Variants in MED12L observed in about 807,000 individuals in gnomAD.
MED12L encodes mediator complex subunit 12L, also known as mediator of RNA polymerase II transcription subunit 12-like protein.
Under a neutral mutation model 281.3 loss-of-function variants are expected in MED12L, and 60 were observed. That is an observed-to-expected ratio of 0.21 (90% CI 0.17 to 0.26). The LOEUF (loss-of-function observed/expected upper bound fraction) is 0.26, where lower values mean the gene tolerates loss of function less well. MED12L is among the 10% of genes least tolerant of loss of function. The pLI, the probability that MED12L is intolerant of heterozygous loss-of-function variation, is 1.00. For missense variants in MED12L, 2,146 were observed against 2,680.9 expected, an observed-to-expected ratio of 0.80 and a Z score of 4.41; for synonymous variants, 974 against 987.2, an observed-to-expected ratio of 0.99 and a Z score of 0.25.
chr3:151,204,069 G>C (rs1726026961), intron 16 of MED12L, among the ~76,000 whole-genome samples: 1 of 152,126 alleles, frequency 6.6e-6, no homozygotes, highest in Non-Finnish European at 1.5e-5. Flanking sequence ...AGCATGCTGG[G>C]GGACCTAACA....
Position 151,348,081 on chromosome 3 carries a change from A to T in MED12L, c.2251-1978A>T, listed in dbSNP as rs562640870. On this transcript the variant is annotated intron_variant, in intron 16 of 44. Coordinates refer to ENST00000687756, the MANE Select transcript of MED12L (RefSeq NM_001393769.1). The stretch of plus-strand genomic sequence containing the variant: ...GACATTGAATCTGTGCTCCTTGAAG[A>T]CAGGAATCATTCATCCTTGTATTTT... Among the ~76,000 whole-genome samples, 3 of 152,292 alleles carry T rather than the reference A, an allele frequency of 2.0e-5. No homozygotes were observed. The South Asian group carries it at 6.2e-4, about 32-fold the overall frequency.
At position 151,193,680 on chromosome 3, in the gene MED12L, T is replaced by G; in HGVS notation, c.2250+14T>G. Reference sequence around the variant, plus strand: ...CCTATACCTCTGGTAAGTCATTGCTTCAGTTAATCTATACCCTGATTATTT... The same window carrying G: ...CCTATACCTCTGGTAAGTCATTGCTGCAGTTAATCTATACCCTGATTATTT... On this transcript the variant is annotated intron_variant, in intron 16 of 44. Coordinates refer to ENST00000687756, the MANE Select transcript of MED12L (RefSeq NM_001393769.1). 2 of 1,595,692 alleles carry G rather than the reference T, an allele frequency of 1.3e-6. No homozygotes were observed. The highest frequency in any genetic ancestry group is 1.7e-6 in the Non-Finnish European group (2 of 1,164,228).
intron 12 of MED12L, among the ~76,000 whole-genome samples, chr3:151,186,295 T>C (rs1723260918): frequency 6.6e-6 from 1 of 152,160 alleles, no homozygotes; most frequent in African/African-American, 2.4e-5. Flanking sequence ...ATCTCTCACC[T>C]GGCAACTTTG....
rs148518207 is a variant in MED12L at position 151,300,124 on chromosome 3, G to A, written c.2251-49935G>A. 7.5e-3 allele frequency: 11,868 copies of A among 1,576,036 alleles called. 139 individuals carry two copies. Among genetic ancestry groups the A allele is most frequent in the South Asian group, 0.017 (1,536 of 90,328 alleles). On this transcript the variant is annotated intron_variant, in intron 16 of 44. Coordinates refer to ENST00000687756, the MANE Select transcript of MED12L (RefSeq NM_001393769.1). Reference sequence around the variant, plus strand: ...ATTCTTCAGTTGTGATGCACTGTAAGCAAAGATGCGTGTCAGGAAACACTT... The same window carrying A: ...ATTCTTCAGTTGTGATGCACTGTAAACAAAGATGCGTGTCAGGAAACACTT...
At chr3:151,237,079 C>T (rs1050123057) in intron 16 of MED12L, among the ~76,000 whole-genome samples, 6 of 141,196 alleles carry the variant, frequency 4.2e-5, no homozygotes, top group Middle Eastern at 4.0e-3. Context: ...GACGGAATCT[C>T]GCTCTGTTGC....
chr3:151,207,157 A>G (rs1576969538), intron 16 of MED12L, among the ~76,000 whole-genome samples: 1 of 151,904 alleles, frequency 6.6e-6, no homozygotes, highest in South Asian at 2.1e-4. Flanking sequence ...TCCTTGGCTC[A>G]AGCAATCCTG....
At chr3:151,141,678 T>G (rs1717055820) in intron 5 of MED12L, among the ~76,000 whole-genome samples, 1 of 152,198 alleles carries the variant, frequency 6.6e-6, no homozygotes, top group Non-Finnish European at 1.5e-5. Context: ...TTTACTCTGT[T>G]TTTTGGATCT....
At chr3:151,202,275 T>A (rs1284471030) in intron 16 of MED12L, among the ~76,000 whole-genome samples, 1 of 152,268 alleles carries the variant, frequency 6.6e-6, no homozygotes, top group Non-Finnish European at 1.5e-5. Context: ...ACCAGACAGT[T>A]ACTTACCAGT....
chr3:151,264,403 A>G (rs1004573144), intron 16 of MED12L, among the ~76,000 whole-genome samples: 23 of 152,258 alleles, frequency 1.5e-4, no homozygotes, highest in South Asian at 6.2e-4. Flanking sequence ...GTATTTTGTC[A>G]GTTAGGAAAG....
chr3:151,411,492 T>G lies in MED12L; in HGVS notation c.6125T>G (p.Leu2042Arg). ...QQQASPYLQP[L>R]TGSQRLNHQA... ...CAGGCCTCGCCGTACCTGCAGCCCC[T>G]GACTGGCTCTCAGAGGTGATACATG... The change falls in exon 41 of 45, where the codon CTG (leucine) becomes CGG (arginine). Residue 2042 changes from leucine to arginine, a missense_variant. Physicochemically the swap from Leu to Arg is moderately radical, Grantham distance 102. Around this residue, in one of 9 missense-constraint regions of MED12L, gnomAD observed 496 missense variants for 512.0 expected, o/e 0.97. Transcript: ENST00000687756. The G allele has an allele frequency of 6.2e-7, 1 of 1,614,198 alleles. No individual in the cohort carries two copies. The highest frequency in any genetic ancestry group is 2.2e-5 in the East Asian group (1 of 44,892).
chr3:151,230,394 G>A (rs1287488786), intron 16 of MED12L, among the ~76,000 whole-genome samples: 2 of 152,144 alleles, frequency 1.3e-5, no homozygotes, highest in Non-Finnish European at 2.9e-5. Context: ...CTTATGTCTT[G>A]CCCTGCCCCA....
intron 7 of MED12L, among the ~76,000 whole-genome samples, chr3:151,159,040 C>T (rs886542921): frequency 6.6e-6 from 1 of 152,194 alleles, no homozygotes; most frequent in African/African-American, 2.4e-5. Flanking sequence ...ATTTTACCCA[C>T]ATTGATTTCT....
At chr3:151,275,248 G>T (rs954485476) in intron 16 of MED12L, among the ~76,000 whole-genome samples, 1 of 152,098 alleles carries the variant, frequency 6.6e-6, no homozygotes. Flanking sequence ...TGTACAGATC[G>T]CTTTGGGCCA....
intron 16 of MED12L, among the ~76,000 whole-genome samples, chr3:151,239,179 T>C (rs753541884): frequency 2.0e-5 from 3 of 152,246 alleles, no homozygotes; most frequent in Non-Finnish European, 4.4e-5. Context: ...ATGTATTTTA[T>C]CTACATGACC....
intron 16 of MED12L, among the ~76,000 whole-genome samples, chr3:151,203,735 C>G (rs1296880049): frequency 6.6e-6 from 1 of 151,880 alleles, no homozygotes; most frequent in East Asian, 1.9e-4. Context: ...AAAGGAACAT[C>G]ATTATGCAGA....
chr3:151,334,196 C>CTTTTTTTTTTTT (rs71138494), intron 16 of MED12L, among the ~76,000 whole-genome samples: 2 of 118,228 alleles, frequency 1.7e-5, no homozygotes, highest in East Asian at 2.5e-4. Flanking sequence ...TTCTTTCTTT[C>CTTTTTTTTTTTT]TTTTTTTTTT....
Position 151,385,102 on chromosome 3 carries a change from T to C in MED12L, c.4999T>C (p.Cys1667Arg), listed in dbSNP as rs751962579. The part of the protein sequence containing the change: ...RQLLPLPKQT[C>R]DVITCEPMGS... ...GTTACTACCTTTGCCGAAACAGACA[T>C]GTGATGTCATCACTTGTGAACCTAT... Residue 1667 changes from cysteine (C) to arginine (R), a missense_variant, in exon 36 of 45, where the codon TGT becomes CGT. By Grantham distance (180) the Cys-to-Arg change is radical (BLOSUM62 -3). Around this residue, in one of 9 missense-constraint regions of MED12L, gnomAD observed 212 missense variants for 340.8 expected, o/e 0.62. Coordinates refer to ENST00000687756, the MANE Select transcript of MED12L (RefSeq NM_001393769.1). The C allele has an allele frequency of 3.7e-6, 6 of 1,612,782 alleles. No homozygotes were observed. In the South Asian group the frequency reaches 5.5e-5, roughly 15 times the overall value.
intron 2 of MED12L, among the ~76,000 whole-genome samples, chr3:151,110,453 A>G (rs768569332): frequency 1.3e-5 from 2 of 152,242 alleles, no homozygotes; most frequent in Non-Finnish European, 2.9e-5. Context: ...ATGTCTAAGC[A>G]ACAATAGTTA....
intron 17 of MED12L, among the ~76,000 whole-genome samples, chr3:151,354,666 C>G (rs576759011): frequency 1.3e-5 from 2 of 152,204 alleles, no homozygotes; most frequent in East Asian, 3.9e-4. Context: ...AAACTACTCA[C>G]TAGAATGGTT....
Sources: gnomAD v4.1 joint callset for allele counts (sites outside exome capture counted in the v4.1 genomes callset) on GRCh38, gnomAD v4.1.1 for gene constraint, gnomAD v4.1.1 regional missense constraint, MANE v1.5 for transcripts, NCBI Gene and HGNC (gene_info 2026-07-23, HGNC 2026-07-21) for gene names.